ERCC6: variants seen among roughly 807,000 people sequenced by gnomAD.
ERCC6 encodes DNA excision repair protein ERCC-6.
A neutral mutation model predicts 158.7 loss-of-function variants in ERCC6; 116 were observed. The observed-to-expected ratio is 0.73, with a 90% CI of 0.63 to 0.85. The LOEUF is 0.85. Among genes scored for constraint, ERCC6 ranks in the 40% least tolerant of loss-of-function variants. The pLI is 0.00. For missense variants in ERCC6, 1,698 were observed against 1,799.4 expected (o/e 0.94, Z 1.02); for synonymous variants, 678 against 659.3 (o/e 1.03, Z -0.43).
At chr10:49,516,605 AC>A in intron 5 of ERCC6, 1 of 1,614,148 alleles carries the variant, frequency 6.2e-7, no homozygotes, top group African/African-American at 1.3e-5. Flanking sequence ...CAAGATGTAC[AC>A]CTTTACTGCA....
chr10:49,447,560 G>A, the ERCC6 span, among the ~76,000 whole-genome samples: 2,232 of 151,912 alleles, frequency 0.015, 49 homozygotes, highest in African/African-American at 0.05. Flanking sequence ...GCATAGTGGC[G>A]GGCACCTGTA....
intron 5 of ERCC6, chr10:49,517,163 T>C (rs765705694): frequency 1.4e-5 from 22 of 1,522,982 alleles, no homozygotes; most frequent in Non-Finnish European, 1.9e-5. Flanking sequence ...GTGGTAGTGG[T>C]TTTGCCTAGT....
At chr10:49,508,880 C>A (rs1344393050) in intron 5 of ERCC6, among the ~76,000 whole-genome samples, 2 of 152,088 alleles carry the variant, frequency 1.3e-5, no homozygotes, top group Non-Finnish European at 2.9e-5. Context: ...ACGTGCCTTC[C>A]TCATCCCAGA....
chr10:49,525,956 ATCCTTACTGTTGAATGTAG>A (rs1424211573), intron 4 of ERCC6, among the ~76,000 whole-genome samples: 15 of 151,892 alleles, frequency 9.9e-5, no homozygotes, highest in Admixed American at 5.9e-4. Context: ...TTTGAGCTGC[ATCCTTACTGTTGAATGTAG>A]CTGTAGTTTG....
chr10:49,468,371 C>A (rs1244617374), intron 18 of ERCC6, among the ~76,000 whole-genome samples: 1 of 152,178 alleles, frequency 6.6e-6, no homozygotes. Context: ...CTTTCTGTTA[C>A]AGCACGAAAA....
chr10:49,511,931 T>C (rs533085189), intron 5 of ERCC6, among the ~76,000 whole-genome samples: 1 of 152,290 alleles, frequency 6.6e-6, no homozygotes, highest in South Asian at 2.1e-4. Context: ...ATCTGCCTCC[T>C]CCACCACAAA....
At chr10:49,472,780 G>A in intron 15 of ERCC6, 129 bp downstream of exon 15, 1 of 1,142,744 alleles carries the variant, frequency 8.8e-7, no homozygotes, top group South Asian at 1.5e-5. Flanking sequence ...TCACGTTGAA[G>A]AACAGGAGAC....
downstream of ERCC6, among the ~76,000 whole-genome samples, chr10:49,452,546 T>C (rs373915394): frequency 4.6e-3 from 695 of 152,272 alleles, 4 homozygotes; most frequent in African/African-American, 0.016. Flanking sequence ...TGATAATGTA[T>C]ATGCTGTAGC....
chr10:49,445,249 A>T, the ERCC6 span, among the ~76,000 whole-genome samples: 1 of 152,354 alleles, frequency 6.6e-6, no homozygotes, highest in African/African-American at 2.4e-5. Context: ...TCACACATGC[A>T]AAGCATTCCT....
At chr10:49,516,560 TC>T in intron 5 of ERCC6, 1 of 1,613,910 alleles carries the variant, frequency 6.2e-7, no homozygotes. Flanking sequence ...GAAAAATAAT[TC>T]CCAGAAAACA....
At chr10:49,468,653 C>T (rs142135174) in intron 18 of ERCC6, among the ~76,000 whole-genome samples, 3 of 152,268 alleles carry the variant, frequency 2.0e-5, no homozygotes, top group African/African-American at 7.2e-5. Context: ...ACAACAAACA[C>T]ATACACACAC....
chr10:49,470,465 T>C lies in ERCC6; in HGVS notation c.3495A>G (p.Thr1165=), dbSNP rs1183478966. The change falls in exon 18 of 21, where the codon ACA becomes ACG. Residue 1165 remains threonine (T), a synonymous_variant. Coordinates refer to ENST00000355832, the MANE Select transcript of ERCC6 (RefSeq NM_000124.4). ...YKRERPSQAQ[T]EAFWENKQME... The stretch of plus-strand genomic sequence containing the variant: ...TTTGTTTATTCTCCCAAAAAGCTTC[T>C]GTTTGAGCCTGGCTGGGTCTTTCTC... 13 of 1,614,092 alleles carry C rather than the reference T, an allele frequency of 8.1e-6. No individual in the cohort carries two copies. The highest frequency in any genetic ancestry group is 2.7e-5 in the African/African-American group (2 of 74,938).
intron 18 of ERCC6, among the ~76,000 whole-genome samples, chr10:49,466,477 C>T (rs1248347457): frequency 6.6e-6 from 1 of 152,092 alleles, no homozygotes; most frequent in East Asian, 1.9e-4. Flanking sequence ...CTTTTTGGAG[C>T]TTATTAGAGT....
At chr10:49,506,091 A>T in intron 5 of ERCC6, 79 bp from the exon 6 acceptor site, 1 of 1,561,226 alleles carries the variant, frequency 6.4e-7, no homozygotes, top group Non-Finnish European at 8.8e-7. Context: ...GATAATGTAC[A>T]AGAAAAAACA....
At chr10:49,435,685 T>C in the ERCC6 span, among the ~76,000 whole-genome samples, 3 of 152,154 alleles carry the variant, frequency 2.0e-5, no homozygotes, top group Non-Finnish European at 4.4e-5. Context: ...AAGTTATAGC[T>C]TTAAATGCAA....
chr10:49,514,028 C>CCCCTTTTCT (rs1387895278), intron 5 of ERCC6, among the ~76,000 whole-genome samples: 1 of 152,138 alleles, frequency 6.6e-6, no homozygotes, highest in Non-Finnish European at 1.5e-5. Context: ...CCTAGTACCA[C>CCCCTTTTCT]CCCTTTTCTC....
At chr10:49,538,893 GC>G (rs1837670515) in intron 1 of ERCC6, 68 bp downstream of exon 1, 1 of 151,406 alleles carries the variant, frequency 6.6e-6, no homozygotes, top group Non-Finnish European at 1.5e-5. Flanking sequence ...GCCGCGGCCC[GC>G]CCGAGAAGCC....
intron 10 of ERCC6, 21 bp from the exon 11 acceptor site, chr10:49,478,491 G>C: frequency 7.2e-7 from 1 of 1,385,928 alleles, no homozygotes; most frequent in Non-Finnish European, 1.0e-6. Context: ...AGCAGAGAAG[G>C]GAACATTACT....
Position 49,471,010 on chromosome 10 carries a change from G to T in ERCC6, c.3035C>A (p.Ala1012Glu), listed in dbSNP as rs760146233. Residue 1012 changes from alanine to glutamate, a missense_variant, in exon 17 of 21, where the codon GCA becomes GAA. Transcript: ENST00000355832. ...YELFTLTSPD[A>E]SQSTETSAIF... ...TGCACTTGTTTCAGTGCTCTGGGAT[G>T]CATCAGGACTAGTCAGAGTAAATAG... 43 of 1,613,926 alleles carry T rather than the reference G, an allele frequency of 2.7e-5. No homozygotes were observed. The highest frequency in any genetic ancestry group is 3.6e-5 in the Non-Finnish European group (43 of 1,179,996).
Sources: allele counts gnomAD v4.1 joint callset (sites outside exome capture counted in the v4.1 genomes callset), GRCh38; gene constraint gnomAD v4.1.1; transcripts MANE v1.5; gene names NCBI Gene and HGNC (gene_info 2026-07-23, HGNC 2026-07-21).